ABCC9: variants seen among roughly 807,000 people sequenced by gnomAD.
ABCC9 encodes ATP-binding cassette sub-family C member 9.
Under a neutral mutation model 188.3 loss-of-function variants are expected in ABCC9, and 95 were observed. That is an observed-to-expected ratio of 0.50 (90% confidence interval 0.43 to 0.60). The LOEUF is 0.60. Among genes scored for constraint, ABCC9 ranks in the 20% least tolerant of loss-of-function variants. ABCC9 has a pLI of 0.00. For synonymous variants in ABCC9, 659 were observed against 652.7 expected (o/e 1.01, Z -0.15); for missense variants, 1,102 against 1,876.3 (o/e 0.59, Z 7.62).
chr12:21,917,987 T>C (rs769374414), intron 5 of ABCC9, among the ~76,000 whole-genome samples: 7 of 151,540 alleles, frequency 4.6e-5, no homozygotes, highest in Admixed American at 1.3e-4. Flanking sequence ...GAACTCAATG[T>C]GTATCTTGTT....
intron 30 of ABCC9, among the ~76,000 whole-genome samples, chr12:21,832,462 C>T (rs542430648): frequency 6.6e-5 from 10 of 152,224 alleles, no homozygotes; most frequent in Non-Finnish European, 1.2e-4. Flanking sequence ...GGCAGCAGGG[C>T]CATCCCATTT....
intron 15 of ABCC9, among the ~76,000 whole-genome samples, chr12:21,884,004 C>T (rs1376623987): frequency 1.3e-5 from 2 of 152,058 alleles, no homozygotes; most frequent in Non-Finnish European, 2.9e-5. Context: ...AACCTCTAAT[C>T]TGGAAAAATT....
intron 37 of ABCC9, among the ~76,000 whole-genome samples, chr12:21,809,619 T>C (rs1942094028): frequency 6.6e-6 from 1 of 152,150 alleles, no homozygotes; most frequent in African/African-American, 2.4e-5. Flanking sequence ...ATAAATGTAT[T>C]AATTGGAATA....
At chr12:21,857,082 C>T (rs1460151054) in intron 22 of ABCC9, among the ~76,000 whole-genome samples, 1 of 152,148 alleles carries the variant, frequency 6.6e-6, no homozygotes, top group South Asian at 2.1e-4. Context: ...TTTTAAAACA[C>T]ATCAACAGCA....
chr12:21,933,308 G>C (rs142925814), intron 4 of ABCC9, among the ~76,000 whole-genome samples: 165 of 152,038 alleles, frequency 1.1e-3, no homozygotes, highest in African/African-American at 3.7e-3. Context: ...GAAATAATCT[G>C]TACAACAAAC....
At chr12:21,823,633 A>T (rs1195873648) in intron 31 of ABCC9, among the ~76,000 whole-genome samples, 3 of 152,226 alleles carry the variant, frequency 2.0e-5, no homozygotes, top group Non-Finnish European at 4.4e-5. Flanking sequence ...TCCACCACAC[A>T]GCAAGACAAA....
At chr12:21,907,943 T>G in intron 11 of ABCC9, 134 bp downstream of exon 11, 1 of 1,053,686 alleles carries the variant, frequency 9.5e-7, no homozygotes, top group Non-Finnish European at 1.4e-6. Flanking sequence ...AAATACACAT[T>G]TGCTGCTGAA....
At chr12:21,835,028 C>T (rs1315722523) in intron 30 of ABCC9, among the ~76,000 whole-genome samples, 1 of 152,022 alleles carries the variant, frequency 6.6e-6, no homozygotes, top group East Asian at 1.9e-4. Context: ...TTGGGGTTGG[C>T]CAGGAGCAGG....
intron 8 of ABCC9, 152 bp from the exon 9 acceptor site, chr12:21,911,130 A>C (rs912798582): frequency 1.4e-6 from 1 of 694,396 alleles, no homozygotes; most frequent in African/African-American, 1.8e-5. Context: ...AACCAGGTAA[A>C]TCCATAAAAT....
intron 36 of ABCC9, among the ~76,000 whole-genome samples, chr12:21,811,823 CT>C (rs1942258975): frequency 6.6e-6 from 1 of 152,048 alleles, no homozygotes; most frequent in South Asian, 2.1e-4. Context: ...GAAAAAGTGG[CT>C]TTTATAGAAT....
At chr12:21,938,867 A>G (rs1714035228) in intron 2 of ABCC9, among the ~76,000 whole-genome samples, 1 of 152,214 alleles carries the variant, frequency 6.6e-6, no homozygotes, top group South Asian at 2.1e-4. Flanking sequence ...ATCTCAGAGA[A>G]GTACAATCAC....
At chr12:21,870,225 T>G (rs1945999591) in intron 18 of ABCC9, among the ~76,000 whole-genome samples, 1 of 152,174 alleles carries the variant, frequency 6.6e-6, no homozygotes, top group African/African-American at 2.4e-5. Flanking sequence ...TATTGACTTT[T>G]TATAAGGTAT....
At chr12:21,891,616 A>C (rs1947163716) in intron 14 of ABCC9, among the ~76,000 whole-genome samples, 3 of 152,212 alleles carry the variant, frequency 2.0e-5, no homozygotes, top group Admixed American at 2.0e-4. Flanking sequence ...GGAACCAAGA[A>C]TTGAACATGG....
intron 31 of ABCC9, among the ~76,000 whole-genome samples, chr12:21,825,402 A>G (rs750276628): frequency 1.3e-5 from 2 of 152,258 alleles, no homozygotes; most frequent in Non-Finnish European, 2.9e-5. Context: ...CCAAATGCCC[A>G]TCAATGATAG....
At chr12:21,929,048 A>T (rs1010529105) in intron 4 of ABCC9, among the ~76,000 whole-genome samples, 1 of 152,176 alleles carries the variant, frequency 6.6e-6, no homozygotes, top group Non-Finnish European at 1.5e-5. Flanking sequence ...TGATAAAAAT[A>T]AAAACCTAAT....
chr12:21,906,081 T>A, intron 12 of ABCC9, 45 bp downstream of exon 12: 8 of 1,577,674 alleles, frequency 5.1e-6, no homozygotes, highest in Non-Finnish European at 7.0e-6. Context: ...TTGGTTATTC[T>A]GGTTGCCCTT....
chr12:21,816,679 TAA>T (rs1942670464), intron 33 of ABCC9, among the ~76,000 whole-genome samples: 1 of 152,186 alleles, frequency 6.6e-6, no homozygotes, highest in African/African-American at 2.4e-5. Flanking sequence ...TGGTCTTAGC[TAA>T]GTTTTCTGGA....
At chr12:21,846,650 T>C (rs541057172) in intron 25 of ABCC9, among the ~76,000 whole-genome samples, 1 of 152,146 alleles carries the variant, frequency 6.6e-6, no homozygotes, top group Non-Finnish European at 1.5e-5. Context: ...GATCCTGATA[T>C]TTGAGCTGGA....
rs75460545 is a variant in ABCC9 at position 21,887,863 on chromosome 12, G to A, written c.1874C>T (p.Ser625Leu). 17 of 1,613,370 alleles carry A rather than the reference G, an allele frequency of 1.1e-5. No homozygotes were observed. The highest frequency in any genetic ancestry group is 5.3e-5 in the African/African-American group (4 of 74,970). ...GDDSWRTGES[S>L]LPFESCKKHT... is the part of the protein sequence containing the mutation. ...CTTCTTACAGGACTCAAAAGGAAGC[G>A]AACTTTCACCAGTTCGCCAACTGTC... Residue 625 changes from serine (S) to leucine (L), a missense_variant, in exon 15 of 40, where the codon TCG (serine) becomes TTG (leucine). Ser to Leu is a moderately radical substitution (Grantham distance 145). This residue lies in a region of ABCC9 where 258 missense variants were observed against 325.6 expected (regional missense o/e 0.79). Transcript: ENST00000261200.
Sources: allele counts gnomAD v4.1 joint callset (sites outside exome capture counted in the v4.1 genomes callset), GRCh38; gene constraint gnomAD v4.1.1; regional missense constraint gnomAD v4.1.1; transcripts MANE v1.5; gene names NCBI Gene and HGNC (gene_info 2026-07-23, HGNC 2026-07-21).